Variants in IL1RAPL1 observed in about 807,000 individuals in gnomAD.
IL1RAPL1 encodes interleukin-1 receptor accessory protein-like 1.
IL1RAPL1 carries 3 observed loss-of-function variants against 48.4 expected under a neutral mutation model. The ratio of observed to expected loss-of-function variants is 0.06; its 90% CI spans 0.03 to 0.16. The LOEUF (loss-of-function observed/expected upper bound fraction) is 0.16. Among genes scored for constraint, IL1RAPL1 ranks in the 10% least tolerant of loss-of-function variants. IL1RAPL1 has a pLI of 1.00. For missense variants in IL1RAPL1, 349 were observed against 530.6 expected, an observed-to-expected ratio of 0.66 and a Z score of 3.36; for synonymous variants, 185 against 187.7, an observed-to-expected ratio of 0.99 and a Z score of 0.12.
At chrX:29,126,426 A>G (rs1389129474) in intron 2 of IL1RAPL1, among the ~76,000 whole-genome samples, 2 of 112,533 alleles carry the variant, frequency 1.8e-5, no homozygotes, top group Non-Finnish European at 3.8e-5. Context: ...ACGCTCTCAC[A>G]TATTAAACTA....
chrX:28,731,557 A>G (rs1345008275), intron 1 of IL1RAPL1, among the ~76,000 whole-genome samples: 1 of 111,876 alleles, frequency 8.9e-6, no homozygotes, highest in African/African-American at 3.2e-5. Context: ...GATGAAGCTG[A>G]ATGGTGGGCA....
chrX:28,959,202 T>C (rs200781542), intron 2 of IL1RAPL1, among the ~76,000 whole-genome samples: 1 of 107,584 alleles, frequency 9.3e-6, no homozygotes, highest in East Asian at 3.0e-4. Context: ...ATATTTCTTA[T>C]TTAAAATAAA....
At chrX:28,928,600 A>G (rs1334063328) in intron 2 of IL1RAPL1, among the ~76,000 whole-genome samples, 1 of 111,839 alleles carries the variant, frequency 8.9e-6, no homozygotes, top group East Asian at 2.8e-4. Flanking sequence ...TCTGCATGAA[A>G]TGTTCTTACT....
At chrX:29,620,014 C>T (rs1924413434) in intron 5 of IL1RAPL1, among the ~76,000 whole-genome samples, 1 of 111,374 alleles carries the variant, frequency 9.0e-6, no homozygotes, top group African/African-American at 3.3e-5. Flanking sequence ...TATCAGAGGC[C>T]AAGCCTATTG....
chrX:29,335,848 A>G (rs959720675), intron 3 of IL1RAPL1, among the ~76,000 whole-genome samples: 4 of 111,320 alleles, frequency 3.6e-5, no homozygotes, highest in Non-Finnish European at 7.5e-5. Flanking sequence ...AATTTGTTAG[A>G]AAAGTGTCAG....
chrX:28,644,746 T>G (rs1934588084), intron 1 of IL1RAPL1, among the ~76,000 whole-genome samples: 1 of 112,027 alleles, frequency 8.9e-6, no homozygotes, highest in Non-Finnish European at 1.9e-5. Context: ...TGAGTTCAAC[T>G]TATAAGCTTG....
intron 3 of IL1RAPL1, among the ~76,000 whole-genome samples, chrX:29,373,358 G>C (rs781183718): frequency 8.9e-6 from 1 of 111,965 alleles, no homozygotes; most frequent in African/African-American, 3.2e-5. Flanking sequence ...TATATCATCA[G>C]AAAAGAGAGA....
At chrX:28,839,993 A>G (rs1230018962) in intron 2 of IL1RAPL1, among the ~76,000 whole-genome samples, 3 of 110,829 alleles carry the variant, frequency 2.7e-5, no homozygotes, top group Non-Finnish European at 5.7e-5. Context: ...GAGAGAAGAA[A>G]AAAATACTAC....
At chrX:29,371,334 G>C (rs1933542798) in intron 3 of IL1RAPL1, among the ~76,000 whole-genome samples, 1 of 110,040 alleles carries the variant, frequency 9.1e-6, no homozygotes, top group African/African-American at 3.3e-5. Flanking sequence ...ATTTCACAAT[G>C]ATGGCCAGGC....
At chrX:29,653,813 A>G (rs1925587635) in intron 5 of IL1RAPL1, among the ~76,000 whole-genome samples, 1 of 111,301 alleles carries the variant, frequency 9.0e-6, no homozygotes, top group Non-Finnish European at 1.9e-5. Context: ...AACAATTAGT[A>G]TAAACAGAGA....
At chrX:28,991,951 G>A (rs1051350810) in intron 2 of IL1RAPL1, among the ~76,000 whole-genome samples, 1 of 111,468 alleles carries the variant, frequency 9.0e-6, no homozygotes, top group Admixed American at 9.5e-5. Flanking sequence ...ACTTACTTTC[G>A]AGTTTGGTGC....
chrX:29,423,694 G>A lies in IL1RAPL1; in HGVS notation c.703+24386G>A, dbSNP rs1934317834. On this transcript the variant is annotated intron_variant, in intron 5 of 10. Transcript: ENST00000378993. ...ATTACATGAGCATCTCTTTAAGGCA[G>A]ATGAGAATTTGATGATGTTAATCAT... Among the ~76,000 whole-genome samples the A allele has an allele frequency of 4.5e-5, 5 of 111,635 alleles. No homozygotes were observed. In the South Asian group the frequency reaches 1.5e-3, roughly 34 times the overall value.
At chrX:29,097,880 T>G in intron 2 of IL1RAPL1, among the ~76,000 whole-genome samples, 1 of 112,204 alleles carries the variant, frequency 8.9e-6, no homozygotes, top group African/African-American at 3.2e-5. Flanking sequence ...ATGAAGGGAC[T>G]AGATTTAAAT....
intron 6 of IL1RAPL1, among the ~76,000 whole-genome samples, chrX:29,786,035 G>C (rs1379131831): frequency 2.2e-5 from 2 of 90,379 alleles, no homozygotes; most frequent in African/African-American, 4.0e-5. Context: ...CGGGGGGGTG[G>C]GGGGAGGCCA....
At position 29,399,136 on chromosome X, in the gene IL1RAPL1, T is replaced by G. The variant is rs1933956028; in HGVS notation, c.550-19T>G. 1.7e-6 allele frequency: 2 copies of G among 1,175,082 alleles called. No homozygotes were observed. Among genetic ancestry groups the G allele is most frequent in the Non-Finnish European group, 2.3e-6 (2 of 863,678 alleles). ...TCCATTACTATATGTACTACCAAAA[T>G]TGTATGTTCTTCATATAGGAATGCA... On this transcript the variant is annotated intron_variant, in intron 4 of 10. Coordinates refer to ENST00000378993, the MANE Select transcript of IL1RAPL1 (RefSeq NM_014271.4).
chrX:28,641,531 G>A (rs1013569058), intron 1 of IL1RAPL1, among the ~76,000 whole-genome samples: 1 of 111,720 alleles, frequency 9.0e-6, no homozygotes, highest in Admixed American at 9.6e-5. Context: ...ATAAACATAT[G>A]TGTGTAAGTG....
intron 3 of IL1RAPL1, among the ~76,000 whole-genome samples, chrX:29,364,633 T>C (rs1358299063): frequency 1.8e-5 from 2 of 109,709 alleles, no homozygotes; most frequent in Admixed American, 9.8e-5. Context: ...TGTACAGATA[T>C]TTTTCTTGTC....
chrX:29,388,106 CAAAAAAA>C (rs71862742), intron 3 of IL1RAPL1, among the ~76,000 whole-genome samples: 2 of 51,716 alleles, frequency 3.9e-5, no homozygotes, highest in Admixed American at 3.0e-4. Flanking sequence ...AAGGTTAAGC[CAAAAAAA>C]AAAAAAAAAA....
intron 5 of IL1RAPL1, among the ~76,000 whole-genome samples, chrX:29,476,849 C>G (rs1934979830): frequency 9.9e-6 from 1 of 101,099 alleles, no homozygotes; most frequent in Non-Finnish European, 2.0e-5. Context: ...AATACAGTGA[C>G]TCATTTACTT....
Sources: allele counts gnomAD v4.1 joint callset (sites outside exome capture counted in the v4.1 genomes callset), GRCh38; gene constraint gnomAD v4.1.1; transcripts MANE v1.5; gene names NCBI Gene and HGNC (gene_info 2026-07-23, HGNC 2026-07-21).